Variants in SLC6A20 observed in about 807,000 individuals in gnomAD.
SLC6A20 encodes sodium- and chloride-dependent transporter XTRP3.
In SLC6A20, 73 loss-of-function variants were observed where a neutral mutation model predicts 64.3. That is an observed-to-expected ratio of 1.14 (90% CI 0.94 to 1.38). The LOEUF (loss-of-function observed/expected upper bound fraction) is 1.38, where lower values mean the gene tolerates loss of function less well. Ranked by LOEUF, SLC6A20 falls within the 40% of genes most tolerant of loss-of-function variation. The probability of loss-of-function intolerance (pLI) is 0.00; values close to 1 mark genes in which losing one functional copy is unlikely to be tolerated. For synonymous variants in SLC6A20, 347 were observed against 329.6 expected (o/e 1.05, Z -0.57); for missense variants, 725 against 772.8 (o/e 0.94, Z 0.73).
chr3:45,761,230 C>A (rs1182700915), intron 9 of SLC6A20, among the ~76,000 whole-genome samples: 2 of 151,794 alleles, frequency 1.3e-5, no homozygotes, highest in East Asian at 1.9e-4. Context: ...ATAACCCCCC[C>A]CCCTTTCCTG....
chr3:45,761,004 T>G (rs1256372199), intron 9 of SLC6A20, among the ~76,000 whole-genome samples: 1 of 152,162 alleles, frequency 6.6e-6, no homozygotes, highest in East Asian at 1.9e-4. Context: ...CGTCACCAGC[T>G]GCAGCCACAG....
At chr3:45,772,360 A>G in intron 5 of SLC6A20, 145 bp downstream of exon 5, 1 of 634,906 alleles carries the variant, frequency 1.6e-6, no homozygotes, top group Non-Finnish European at 2.6e-6. Flanking sequence ...GGTACTCCAC[A>G]CTCCTGCCAC....
At chr3:45,778,614 C>T in intron 3 of SLC6A20, among the ~76,000 whole-genome samples, 1 of 152,206 alleles carries the variant, frequency 6.6e-6, no homozygotes, top group Non-Finnish European at 1.5e-5. Context: ...GGACAAGACA[C>T]ATTACTTCCA....
chr3:45,791,386 AG>A (rs1700248034), intron 1 of SLC6A20, among the ~76,000 whole-genome samples: 1 of 152,204 alleles, frequency 6.6e-6, no homozygotes, highest in Non-Finnish European at 1.5e-5. Flanking sequence ...ATAGGACAGA[AG>A]CATCAGTATT....
Position 45,780,030 on chromosome 3 carries a change from C to T in SLC6A20, c.333G>A (p.Trp111Ter). The change falls in exon 3 of 11, where the codon TGG becomes TGA. Residue 111 changes from tryptophan to a stop codon, truncating the protein, a stop_gained. Transcript: ENST00000358525. LOFTEE classifies it high-confidence loss of function. ...YYNVINAWAF[W>*]YLFHSFQDPL... Reference sequence around the variant, plus strand: ...TCACCTGGAAGGAGTGGAAGAGGTACCAGAAGGCCCAGGCGTTGATGACGT... The same window carrying T: ...TCACCTGGAAGGAGTGGAAGAGGTATCAGAAGGCCCAGGCGTTGATGACGT... The T allele has an allele frequency of 6.2e-7, 1 of 1,604,294 alleles. No individual in the cohort carries two copies. The highest frequency in any genetic ancestry group is 1.7e-5 in the Admixed American group (1 of 58,936).
At position 45,758,865 on chromosome 3, in the gene SLC6A20, T is replaced by C; in HGVS notation, c.*113A>G. 1 of 1,412,294 alleles carries C rather than the reference T, an allele frequency of 7.1e-7. No individual in the cohort carries two copies. The allele number at this position is 1,412,294 out of a possible 1,614,324, so 87.5% of individuals were successfully genotyped here. The stretch of plus-strand genomic sequence containing the variant: ...CACCTTCCTCATCTTCTTTAGACAC[T>C]CAGGAAGTTGATGGGCTGAGCACTC... On this transcript the variant is annotated 3_prime_UTR_variant, in exon 11 of 11. Coordinates refer to ENST00000358525, the MANE Select transcript of SLC6A20 (RefSeq NM_020208.4).
At chr3:45,779,931 C>A in intron 3 of SLC6A20, 78 bp downstream of exon 3, 1 of 1,477,034 alleles carries the variant, frequency 6.8e-7, no homozygotes, top group South Asian at 1.2e-5. Context: ...CCCACACCCC[C>A]TTCCCCGAGC....
chr3:45,788,107 T>C (rs1177883377), intron 1 of SLC6A20, among the ~76,000 whole-genome samples: 7 of 152,088 alleles, frequency 4.6e-5, no homozygotes, highest in Admixed American at 1.3e-4. Context: ...TCACTGTGCC[T>C]GACTAATTTT....
At chr3:45,763,213 T>C in intron 8 of SLC6A20, 141 bp from the exon 9 acceptor site, 1 of 1,267,468 alleles carries the variant, frequency 7.9e-7, no homozygotes, top group Non-Finnish European at 1.1e-6. Context: ...AGAGCTGTCA[T>C]GGTTTGGACT....
At chr3:45,770,030 C>T (rs1034043362) in intron 7 of SLC6A20, among the ~76,000 whole-genome samples, 179 bp downstream of exon 7, 5 of 152,176 alleles carry the variant, frequency 3.3e-5, no homozygotes, top group Non-Finnish European at 7.3e-5. Flanking sequence ...CTAGCATTCT[C>T]GAACAGCCCT....
intron 3 of SLC6A20, 38 bp downstream of exon 3, chr3:45,779,971 G>C (rs372652023): frequency 1.3e-6 from 2 of 1,559,972 alleles, no homozygotes; most frequent in Non-Finnish European, 1.7e-6. Flanking sequence ...TCCCTTTCTC[G>C]CTCCTACTCC....
chr3:45,791,867 A>C (rs1700258643), intron 1 of SLC6A20: 1 of 152,156 alleles, frequency 6.6e-6, no homozygotes, highest in Admixed American at 6.5e-5. Context: ...ACCAGACCCC[A>C]CCTCCAACAT....
rs1381906418 is a variant in SLC6A20 at position 45,758,918 on chromosome 3, G to A, written c.*60C>T. 24 of 1,518,660 alleles carry A rather than the reference G, an allele frequency of 1.6e-5. No individual in the cohort carries two copies. Among genetic ancestry groups the A allele is most frequent in the Middle Eastern group, 1.8e-4 (1 of 5,634 alleles). The allele number at this position is 1,518,660 out of a possible 1,614,324, so 94.1% of individuals were successfully genotyped here. On this transcript the variant is annotated 3_prime_UTR_variant, in exon 11 of 11. Coordinates refer to ENST00000358525, the MANE Select transcript of SLC6A20 (RefSeq NM_020208.4). Reference sequence around the variant, plus strand: ...GGCTTAAGCATTTGAAAAAGCAGCCGAGGAGTTTCCGCCTGTAAATAGTAT... The same window carrying A: ...GGCTTAAGCATTTGAAAAAGCAGCCAAGGAGTTTCCGCCTGTAAATAGTAT...
At chr3:45,796,123 T>A (rs1468218163) in intron 1 of SLC6A20, among the ~76,000 whole-genome samples, 176 bp downstream of exon 1, 1 of 152,078 alleles carries the variant, frequency 6.6e-6, no homozygotes, top group Admixed American at 6.5e-5. Flanking sequence ...GGGAGAGAGC[T>A]CCGGCTCCGG....
rs142270951 is a variant in SLC6A20, at chr3:45,758,644, T to C, written c.*334A>G. The C allele has an allele frequency of 8.8e-7, 1 of 1,140,606 alleles. No individual in the cohort carries two copies. Among genetic ancestry groups the C allele is most frequent in the African/African-American group, 1.6e-5 (1 of 60,960 alleles). 70.7% of individuals were successfully genotyped at this position (1,140,606 alleles called of 1,614,324 possible). A position where few individuals can be genotyped will look rare whatever the true frequency, so the allele number is the denominator to read the frequency against. ...GCCAAAAACAAAAATTGCTTAAATTTGGTCCCATAAGAATTATAGTCATAT... is the reference window on the plus strand; with the variant it reads ...GCCAAAAACAAAAATTGCTTAAATTCGGTCCCATAAGAATTATAGTCATAT... On this transcript the variant is annotated 3_prime_UTR_variant, in exon 11 of 11. Coordinates refer to ENST00000358525, the MANE Select transcript of SLC6A20 (RefSeq NM_020208.4).
intron 1 of SLC6A20, among the ~76,000 whole-genome samples, chr3:45,784,167 G>A (rs1700138557): frequency 6.6e-6 from 1 of 152,220 alleles, no homozygotes; most frequent in South Asian, 2.1e-4. Flanking sequence ...TGGGAACATG[G>A]GGGCTGTTTG....
rs1418768203 is a variant in SLC6A20 at position 45,773,867 on chromosome 3, C to T, written c.583-1252G>A. 3.3e-5 allele frequency among the ~76,000 whole-genome samples: 5 copies of T among 152,104 alleles called. No homozygotes were observed. In the South Asian group the frequency reaches 1.0e-3, roughly 32 times the overall value. On this transcript the variant is annotated intron_variant, in intron 4 of 10. Coordinates refer to ENST00000358525, the MANE Select transcript of SLC6A20 (RefSeq NM_020208.4). ...AACTTGAGAAGAGTAATAAATCCACCCAAGATTATAAGAAACCAGGTAAGA... is the reference window on the plus strand; with the variant it reads ...AACTTGAGAAGAGTAATAAATCCACTCAAGATTATAAGAAACCAGGTAAGA...
chr3:45,771,432 G>A lies in SLC6A20; in HGVS notation c.720C>T (p.Ala240=), dbSNP rs752923474. Residue 240 remains alanine, a synonymous_variant, in exon 6 of 11, where the codon GCC becomes GCT. Transcript: ENST00000358525. ...AGATCTGGGTGGCTGCATTGATCCA[G>A]GCCTTGGGGTTGGCCAGCTGCTCTA... The part of the protein sequence containing the change: ...PKIEQLANPK[A]WINAATQIFF... 131 of 1,614,130 alleles carry A rather than the reference G, an allele frequency of 8.1e-5. 2 individuals carry two copies. The highest frequency in any genetic ancestry group is 1.1e-5 in the Non-Finnish European group (13 of 1,180,058).
At position 45,759,904 on chromosome 3, in the gene SLC6A20, A is replaced by C. The variant is rs1699636032; in HGVS notation, c.1582T>G (p.Tyr528Asp). 2 of 1,614,154 alleles carry C rather than the reference A, an allele frequency of 1.2e-6. No homozygotes were observed. The highest frequency in any genetic ancestry group is 1.7e-6 in the Non-Finnish European group (2 of 1,180,020). The stretch of plus-strand genomic sequence containing the variant: ...TACTTCAGGGTCCCCGTGAGGATGT[A>C]GTCGCTCAGGTAGAAGACAAAGAGG... ...VSLFVFYLSD[Y>D]ILTGTLKYQA... Residue 528 changes from tyrosine (Y) to aspartate (D), a missense_variant, in exon 10 of 11, where the codon TAC becomes GAC. Physicochemically the swap from Tyr to Asp is radical, Grantham distance 160. Coordinates refer to ENST00000358525, the MANE Select transcript of SLC6A20 (RefSeq NM_020208.4).
Sources: gnomAD v4.1 joint callset for allele counts (sites outside exome capture counted in the v4.1 genomes callset) on GRCh38, gnomAD v4.1.1 for gene constraint, MANE v1.5 for transcripts, NCBI Gene and HGNC (gene_info 2026-07-23, HGNC 2026-07-21) for gene names.